The following ROBO1 variants were observed in gnomAD, a reference collection of about 807,000 sequenced individuals.
The protein encoded by ROBO1 is roundabout guidance receptor 1, also known as roundabout homolog 1.
A neutral mutation model predicts 195.9 loss-of-function variants in ROBO1; 149 were observed. The observed-to-expected ratio is 0.76, with a 90% CI of 0.67 to 0.87. The LOEUF (loss-of-function observed/expected upper bound fraction) is 0.87, where lower values mean the gene tolerates loss of function less well. Among genes scored for constraint, ROBO1 ranks in the 40% least tolerant of loss-of-function variants. ROBO1 has a pLI of 0.00. For missense variants in ROBO1, 1,933 were observed against 2,068.3 expected (o/e 0.93, Z 1.27); for synonymous variants, 816 against 733.2 (o/e 1.11, Z -1.82).
intron 2 of ROBO1, among the ~76,000 whole-genome samples, chr3:79,137,207 T>C (rs1192224058): frequency 1.3e-5 from 2 of 152,086 alleles, no homozygotes; most frequent in African/African-American, 2.4e-5. Flanking sequence ...AAATCTGTTT[T>C]CAAACAAAAT....
intron 1 of ROBO1, among the ~76,000 whole-genome samples, chr3:79,738,075 A>T (rs982378712): frequency 2.6e-5 from 4 of 152,126 alleles, no homozygotes; most frequent in Non-Finnish European, 5.9e-5. Context: ...GGGAATGTGT[A>T]AAAGTTTCAC....
In ROBO1 at chr3:78,617,960, G is replaced by A. The variant is rs773393580; in HGVS notation, c.3957C>T (p.Val1319=). The A allele has an allele frequency of 1.2e-6, 2 of 1,613,858 alleles. No homozygotes were observed. Among genetic ancestry groups the A allele is most frequent in the East Asian group, 4.5e-5 (2 of 44,882 alleles). ...HTYGYISGPL[V]SDMDTDAPEE... ...CTGGCGCATCCGTATCCATATCTGA[G>A]ACCAGGGGTCCTGAAATGTAGCCAT... Residue 1319 remains valine, a synonymous_variant, in exon 27 of 31, where the codon GTC becomes GTT. Transcript: ENST00000464233.
At chr3:79,166,560 C>CTTTTTTTTTTTTTTTTTTTTTTTTT (rs968334923) in intron 2 of ROBO1, among the ~76,000 whole-genome samples, 2 of 135,106 alleles carry the variant, frequency 1.5e-5, no homozygotes, top group African/African-American at 2.8e-5. Context: ...TTCTATTTTT[C>CTTTTTTTTTTTTTTTTTTTTTTTTT]TTTTTTTTTT....
chr3:79,378,133 T>C (rs1433553410), intron 2 of ROBO1, among the ~76,000 whole-genome samples: 1 of 151,204 alleles, frequency 6.6e-6, no homozygotes, highest in Non-Finnish European at 1.5e-5. Flanking sequence ...TTAAGGAACA[T>C]ACTAAATCTC....
At chr3:79,756,198 T>G (rs1704383019) in intron 1 of ROBO1, among the ~76,000 whole-genome samples, 1 of 152,232 alleles carries the variant, frequency 6.6e-6, no homozygotes. Flanking sequence ...GAGTCTATTA[T>G]TCTATGGTGC....
At chr3:79,268,864 G>A (rs773447769) in intron 2 of ROBO1, among the ~76,000 whole-genome samples, 4 of 151,500 alleles carry the variant, frequency 2.6e-5, no homozygotes, top group Admixed American at 6.6e-5. Context: ...GATTAATTAC[G>A]ATTAATACAA....
intron 3 of ROBO1, chr3:79,019,389 C>A: frequency 1.0e-6 from 1 of 985,922 alleles, no homozygotes; most frequent in Non-Finnish European, 1.2e-6. Flanking sequence ...CGCCGCGGCT[C>A]ACCCCAGCTC....
chr3:79,327,586 T>C lies in ROBO1; in HGVS notation c.89-202047A>G, dbSNP rs1049341685. Reference sequence around the variant, plus strand: ...TGAAGATAGATTCCTCAAAATAAAATTTAAATATATATATATATGTCTGAA... The same window carrying C: ...TGAAGATAGATTCCTCAAAATAAAACTTAAATATATATATATATGTCTGAA... On this transcript the variant is annotated intron_variant, in intron 2 of 30. Transcript: ENST00000464233. Among the ~76,000 whole-genome samples, 5 of 151,894 alleles carry C rather than the reference T, an allele frequency of 3.3e-5. No homozygotes were observed. The East Asian group carries it at 9.6e-4, about 29-fold the overall frequency.
At chr3:79,332,201 TAA>T (rs71127379) in intron 2 of ROBO1, among the ~76,000 whole-genome samples, 5 of 122,266 alleles carry the variant, frequency 4.1e-5, no homozygotes, top group African/African-American at 3.0e-5. Context: ...ATTGATGACC[TAA>T]AAAAAAAAAA....
intron 2 of ROBO1, among the ~76,000 whole-genome samples, chr3:79,474,567 T>A (rs1186546457): frequency 6.6e-6 from 1 of 152,128 alleles, no homozygotes; most frequent in Non-Finnish European, 1.5e-5. Context: ...GCATTAGCTA[T>A]TAAAACATCT....
intron 2 of ROBO1, among the ~76,000 whole-genome samples, chr3:79,230,823 T>A (rs1194846260): frequency 6.6e-6 from 1 of 152,032 alleles, no homozygotes; most frequent in East Asian, 1.9e-4. Context: ...CAAACTATAC[T>A]ACAGGGATAC....
At chr3:79,376,304 G>C (rs962733405) in intron 2 of ROBO1, among the ~76,000 whole-genome samples, 11 of 152,066 alleles carry the variant, frequency 7.2e-5, no homozygotes, top group Non-Finnish European at 1.3e-4. Context: ...CATCTACAAT[G>C]CTTGTTTTCA....
intron 3 of ROBO1, among the ~76,000 whole-genome samples, chr3:78,947,851 A>G (rs1374908568): frequency 6.6e-6 from 1 of 152,252 alleles, no homozygotes; most frequent in South Asian, 2.1e-4. Context: ...AACACCACCA[A>G]TCCCACAGAA....
intron 5 of ROBO1, among the ~76,000 whole-genome samples, chr3:78,718,869 A>AGAGGGAGGGAGGGAGAAG (rs2081973642): frequency 7.4e-6 from 1 of 134,828 alleles, no homozygotes; most frequent in Non-Finnish European, 1.6e-5. Context: ...GGAGGGAGAG[A>AGAGGGAGGGAGGGAGAAG]GGGAAAAAGG....
intron 2 of ROBO1, among the ~76,000 whole-genome samples, chr3:79,252,500 A>C (rs2082750233): frequency 6.6e-6 from 1 of 152,138 alleles, no homozygotes; most frequent in Non-Finnish European, 1.5e-5. Flanking sequence ...CTTTGGGAGG[A>C]GCATGACCCT....
At chr3:79,478,396 C>A (rs76123244) in intron 2 of ROBO1, among the ~76,000 whole-genome samples, 9,313 of 140,774 alleles carry the variant, frequency 0.066, 541 homozygotes, top group East Asian at 0.19. Context: ...AACCCCCCCA[C>A]CCCCCAAAAA....
At chr3:79,238,720 C>A (rs2082458325) in intron 2 of ROBO1, among the ~76,000 whole-genome samples, 3 of 152,176 alleles carry the variant, frequency 2.0e-5, no homozygotes, top group African/African-American at 7.2e-5. Context: ...AGGGATCACA[C>A]TTTATTTCTT....
At chr3:79,653,857 A>T (rs1271335376) in intron 1 of ROBO1, among the ~76,000 whole-genome samples, 1 of 151,988 alleles carries the variant, frequency 6.6e-6, no homozygotes, top group Non-Finnish European at 1.5e-5. Flanking sequence ...GCTGGTAGCT[A>T]TATCAATATG....
At chr3:78,994,478 C>T (rs1329278700) in intron 3 of ROBO1, among the ~76,000 whole-genome samples, 2 of 152,096 alleles carry the variant, frequency 1.3e-5, no homozygotes, top group Admixed American at 6.6e-5. Context: ...GTTAGGATAG[C>T]GTTATCTTAA....
Sources: gnomAD v4.1 joint callset for allele counts (sites outside exome capture counted in the v4.1 genomes callset) on GRCh38, gnomAD v4.1.1 for gene constraint, MANE v1.5 for transcripts, NCBI Gene and HGNC (gene_info 2026-07-23, HGNC 2026-07-21) for gene names.